Variants in SKAP1 observed in about 807,000 individuals in gnomAD.
The protein encoded by SKAP1 is src kinase-associated phosphoprotein 1.
Under a neutral mutation model 58.5 loss-of-function variants are expected in SKAP1, and 44 were observed. That is an observed-to-expected ratio of 0.75 (90% CI 0.59 to 0.97). The LOEUF (loss-of-function observed/expected upper bound fraction) is 0.97, where lower values mean the gene tolerates loss of function less well. SKAP1 is among the 50% of genes least tolerant of loss of function. The probability of loss-of-function intolerance (pLI) is 0.00; values close to 1 mark genes in which losing one functional copy is unlikely to be tolerated. For synonymous variants in SKAP1, 127 were observed against 149.7 expected (o/e 0.85, Z 1.11); for missense variants, 390 against 435.2 (o/e 0.90, Z 0.92).
intron 4 of SKAP1, among the ~76,000 whole-genome samples, chr17:48,321,275 C>T (rs914010642): frequency 4.0e-5 from 6 of 151,812 alleles, no homozygotes; most frequent in African/African-American, 1.5e-4. Flanking sequence ...GATAGTTAGC[C>T]ACCCTATTTT....
At chr17:48,147,990 T>C (rs1156327596) in intron 11 of SKAP1, among the ~76,000 whole-genome samples, 1 of 150,738 alleles carries the variant, frequency 6.6e-6, no homozygotes, top group Non-Finnish European at 1.5e-5. Context: ...TGGGTCATGG[T>C]GACAACTCCA....
In SKAP1 at chr17:48,303,537, T is replaced by A. The variant is rs1444865203; in HGVS notation, c.280+42368A>T. ...TCTATGACCAAAGTTGTTGAGTGAG[T>A]ATGCTAAGACCATATTGAACACACA... On this transcript the variant is annotated intron_variant, in intron 4 of 12. Transcript: ENST00000336915. 2.6e-5 allele frequency among the ~76,000 whole-genome samples: 4 copies of A among 152,198 alleles called. No homozygotes were observed. In the East Asian group the frequency reaches 7.7e-4, roughly 29 times the overall value.
intron 4 of SKAP1, among the ~76,000 whole-genome samples, chr17:48,333,581 T>C (rs994874575): frequency 2.6e-5 from 4 of 152,150 alleles, no homozygotes; most frequent in African/African-American, 9.6e-5. Context: ...TTTATATTGC[T>C]GGAAAATGTT....
At chr17:48,154,764 T>C (rs997220511) in intron 11 of SKAP1, among the ~76,000 whole-genome samples, 6 of 152,080 alleles carry the variant, frequency 3.9e-5, no homozygotes, top group African/African-American at 1.2e-4. Context: ...AATGGGCGTT[T>C]AAGTCTTATC....
At chr17:48,263,038 G>A (rs996969354) in intron 4 of SKAP1, among the ~76,000 whole-genome samples, 1 of 151,896 alleles carries the variant, frequency 6.6e-6, no homozygotes, top group Non-Finnish European at 1.5e-5. Flanking sequence ...AAAAGTTTTT[G>A]CAAATTAATT....
At chr17:48,220,228 T>C (rs1356912991) in intron 4 of SKAP1, among the ~76,000 whole-genome samples, 1 of 152,192 alleles carries the variant, frequency 6.6e-6, no homozygotes, top group South Asian at 2.1e-4. Context: ...AACATAGTGG[T>C]GCTCCAAAAG....
At chr17:48,186,893 G>T (rs2064461232) in intron 6 of SKAP1, among the ~76,000 whole-genome samples, 1 of 152,194 alleles carries the variant, frequency 6.6e-6, no homozygotes, top group Admixed American at 6.5e-5. Context: ...TAAGTTTGAG[G>T]AAGGAGAAAC....
intron 2 of SKAP1, among the ~76,000 whole-genome samples, chr17:48,373,842 G>A (rs887559107): frequency 2.0e-5 from 3 of 152,072 alleles, no homozygotes; most frequent in Admixed American, 1.3e-4. Flanking sequence ...TACCCAGAAA[G>A]GCCAACATCT....
At chr17:48,410,845 T>G (rs563610573) in intron 1 of SKAP1, among the ~76,000 whole-genome samples, 1 of 146,102 alleles carries the variant, frequency 6.8e-6, no homozygotes, top group South Asian at 2.2e-4. Context: ...AAGAATCGCT[T>G]GAACCCAGGA....
intron 11 of SKAP1, among the ~76,000 whole-genome samples, chr17:48,145,332 G>A (rs529403443): frequency 1.1e-4 from 17 of 151,734 alleles, no homozygotes; most frequent in South Asian, 8.3e-4. Flanking sequence ...TGAAATAGAC[G>A]CAGCGCTCAC....
At chr17:48,222,856 G>C in intron 4 of SKAP1, among the ~76,000 whole-genome samples, 1 of 150,900 alleles carries the variant, frequency 6.6e-6, no homozygotes, top group African/African-American at 2.4e-5. Context: ...ACGAGGTCAG[G>C]AGTTCGAGAC....
intron 4 of SKAP1, among the ~76,000 whole-genome samples, chr17:48,242,589 A>G (rs974899221): frequency 2.0e-5 from 3 of 152,166 alleles, no homozygotes; most frequent in Admixed American, 6.5e-5. Context: ...TCCATTTTTT[A>G]TTTCCCACCT....
intron 10 of SKAP1, 84 bp downstream of exon 10, chr17:48,170,525 T>C (rs759914539): frequency 2.6e-6 from 3 of 1,168,236 alleles, no homozygotes; most frequent in Non-Finnish European, 2.6e-6. Flanking sequence ...TCAGTAATTT[T>C]TGTAGTCTCA....
chr17:48,142,576 T>C (rs1440514979), intron 11 of SKAP1, among the ~76,000 whole-genome samples: 2 of 152,208 alleles, frequency 1.3e-5, no homozygotes, highest in Admixed American at 6.5e-5. Flanking sequence ...TAGTTACAAC[T>C]AACTCCAAGA....
chr17:48,263,854 T>C (rs898670244), intron 4 of SKAP1, among the ~76,000 whole-genome samples: 6 of 152,190 alleles, frequency 3.9e-5, no homozygotes, highest in African/African-American at 1.4e-4. Flanking sequence ...GACCATTAGT[T>C]CTTTTAACAC....
At chr17:48,431,663 G>A (rs1259255567), upstream of SKAP1, among the ~76,000 whole-genome samples, 3 of 152,100 alleles carry the variant, frequency 2.0e-5, no homozygotes, top group Admixed American at 1.3e-4. Flanking sequence ...GCTCCGGGGT[G>A]GTATGTGGCC....
At chr17:48,254,439 A>T (rs978782995) in intron 4 of SKAP1, among the ~76,000 whole-genome samples, 2 of 152,152 alleles carry the variant, frequency 1.3e-5, no homozygotes, top group African/African-American at 4.8e-5. Flanking sequence ...AATTTAAACT[A>T]GTTTCTTGAT....
chr17:48,195,239 T>C (rs2064609504), intron 4 of SKAP1, among the ~76,000 whole-genome samples: 1 of 152,204 alleles, frequency 6.6e-6, no homozygotes, highest in Non-Finnish European at 1.5e-5. Context: ...TTTTTTGCCT[T>C]CTTCTCAATT....
intron 1 of SKAP1, among the ~76,000 whole-genome samples, chr17:48,424,366 C>T (rs2067831437): frequency 6.6e-6 from 1 of 151,280 alleles, no homozygotes; most frequent in Admixed American, 6.6e-5. Context: ...GCTGGGACTA[C>T]AGGCGCCCGC....
Sources: gnomAD v4.1 joint callset for allele counts (sites outside exome capture counted in the v4.1 genomes callset) on GRCh38, gnomAD v4.1.1 for gene constraint, MANE v1.5 for transcripts, NCBI Gene and HGNC (gene_info 2026-07-23, HGNC 2026-07-21) for gene names.